The following BAZ1B variants were observed in gnomAD, a reference collection of about 807,000 sequenced individuals.
BAZ1B encodes tyrosine-protein kinase BAZ1B.
Under a neutral mutation model 153.8 loss-of-function variants are expected in BAZ1B, and 22 were observed. The ratio of observed to expected loss-of-function variants is 0.14; its 90% CI spans 0.10 to 0.20. BAZ1B has a LOEUF of 0.20. BAZ1B is among the 10% of genes least tolerant of loss of function. The pLI is 1.00. For missense variants in BAZ1B, 1,325 were observed against 1,799.3 expected (o/e 0.74, Z 4.77); for synonymous variants, 676 against 633.4 (o/e 1.07, Z -1.01).
chr7:73,511,212 G>T (rs191790268), intron 1 of BAZ1B, among the ~76,000 whole-genome samples: 2 of 152,080 alleles, frequency 1.3e-5, no homozygotes, highest in Non-Finnish European at 2.9e-5. Flanking sequence ...AGCTTGCAGT[G>T]AGCCAAGATC....
In BAZ1B at chr7:73,465,427, A is replaced by T. The variant is rs1020849181; in HGVS notation, c.3071+12T>A. 3.9e-6 allele frequency: 6 copies of T among 1,533,550 alleles called. No individual in the cohort carries two copies. The highest frequency in any genetic ancestry group is 4.4e-6 in the Non-Finnish European group (5 of 1,124,306). The allele number at this position is 1,533,550 out of a possible 1,614,324, so 95.0% of individuals were successfully genotyped here. ...GAAGTAAGATGTGAGGAGTAAGATG[A>T]AAACCTCTTACCTCTTCTCTAGTCT... On this transcript the variant is annotated intron_variant, in intron 11 of 19. Coordinates refer to ENST00000339594, the MANE Select transcript of BAZ1B (RefSeq NM_032408.4).
chr7:73,459,579 G>C lies in BAZ1B; in HGVS notation c.3389C>G (p.Thr1130Ser). The change falls in exon 13 of 20, where the codon ACT (threonine) becomes AGT (serine). Residue 1130 changes from threonine to serine, a missense_variant. Thr to Ser is a moderately conservative substitution (Grantham distance 58, BLOSUM62 1). Transcript: ENST00000339594. ...RKLQSEDSAKTEEVDEEKKMV... is the reference protein window; with the variant it reads ...RKLQSEDSAKSEEVDEEKKMV... ...TTTCTTCTCTTCATCCACTTCCTCA[G>C]TTTTTGCTGAATCTTCACTTTGGAG... 1.2e-6 allele frequency: 2 copies of C among 1,613,898 alleles called. No individual in the cohort carries two copies. The highest frequency in any genetic ancestry group is 8.5e-7 in the Non-Finnish European group (1 of 1,179,992).
intron 1 of BAZ1B, among the ~76,000 whole-genome samples, chr7:73,514,027 C>T (rs756987004): frequency 3.7e-4 from 57 of 152,130 alleles, no homozygotes; most frequent in Non-Finnish European, 7.1e-4. Flanking sequence ...TTTTGAATTT[C>T]TTTCAGATTT....
At position 73,463,049 on chromosome 7, in the gene BAZ1B, C is replaced by A; in HGVS notation, c.3122G>T (p.Gly1041Val). 2.5e-6 allele frequency: 4 copies of A among 1,614,046 alleles called. No individual in the cohort carries two copies. Among genetic ancestry groups the A allele is most frequent in the South Asian group, 1.1e-5 (1 of 91,080 alleles). The change falls in exon 12 of 20, where the codon GGT (glycine) becomes GTT (valine). Residue 1041 changes from glycine (G) to valine (V), a missense_variant. Gly to Val is a moderately radical substitution (Grantham distance 109). This residue lies in a region of BAZ1B where 431 missense variants were observed against 563.5 expected (regional missense o/e 0.76). Transcript: ENST00000339594. ...CTGGTTGCCATCACAAGATTTTAGA[C>A]CCAAATTTGGCTTCCGTGCTAGATG... ...SIHLARKPNL[G>V]LKSCDGNQEL...
chr7:73,510,662 G>A (rs1790542669), intron 2 of BAZ1B, 74 bp downstream of exon 2: 1 of 1,379,610 alleles, frequency 7.2e-7, no homozygotes, highest in Non-Finnish European at 1.0e-6. Context: ...TACACATACT[G>A]CTTTAGGGTT....
At chr7:73,514,641 C>A (rs138707044) in intron 1 of BAZ1B, among the ~76,000 whole-genome samples, 242 of 151,922 alleles carry the variant, frequency 1.6e-3, no homozygotes, top group African/African-American at 5.6e-3. Context: ...AAAACCCCAT[C>A]TCTATTAAAA....
chr7:73,520,443 C>T (rs1554580006), intron 1 of BAZ1B, among the ~76,000 whole-genome samples: 1 of 152,120 alleles, frequency 6.6e-6, no homozygotes, highest in Non-Finnish European at 1.5e-5. Flanking sequence ...GATTGACTTA[C>T]AGGGATGAGG....
At position 73,442,799 on chromosome 7, in the gene BAZ1B, C is replaced by T; in HGVS notation, c.4020G>A (p.Arg1340=). 2 of 1,614,062 alleles carry T rather than the reference C, an allele frequency of 1.2e-6. No individual in the cohort carries two copies. Among genetic ancestry groups the T allele is most frequent in the Non-Finnish European group, 1.7e-6 (2 of 1,179,944 alleles). Residue 1340 remains arginine, a synonymous_variant, in exon 18 of 20, where the codon AGG becomes AGA. Coordinates refer to ENST00000339594, the MANE Select transcript of BAZ1B (RefSeq NM_032408.4). Reference sequence around the variant, plus strand: ...CACACTTCTGCAGCTCCAGGCTTTGCCTCCGGGAGCTCCGCTTGGTCTGAA... The same window carrying T: ...CACACTTCTGCAGCTCCAGGCTTTGTCTCCGGGAGCTCCGCTTGGTCTGAA... ...LVLQTKRSSR[R]QSLELQKCEE...
At chr7:73,504,355 T>G (rs1302041910) in intron 3 of BAZ1B, among the ~76,000 whole-genome samples, 4 of 152,060 alleles carry the variant, frequency 2.6e-5, no homozygotes, top group African/African-American at 9.7e-5. Context: ...CCTGTTTCTC[T>G]ATAAAAAATA....
intron 11 of BAZ1B, 91 bp from the exon 12 acceptor site, chr7:73,463,190 A>T: frequency 7.9e-7 from 1 of 1,264,798 alleles, no homozygotes; most frequent in South Asian, 1.5e-5. Context: ...TTATTTCTAG[A>T]AAACTTACTT....
intron 17 of BAZ1B, among the ~76,000 whole-genome samples, 197 bp downstream of exon 17, chr7:73,443,787 G>A (rs528972996): frequency 2.6e-5 from 4 of 152,236 alleles, no homozygotes; most frequent in South Asian, 4.2e-4. Flanking sequence ...GGGGAATGCC[G>A]GACATAGCTG....
intron 7 of BAZ1B, 79 bp from the exon 8 acceptor site, chr7:73,470,562 A>G: frequency 6.6e-7 from 1 of 1,520,756 alleles, no homozygotes; most frequent in East Asian, 2.3e-5. Context: ...ATATGGAGTA[A>G]AAAGTGCCTA....
At chr7:73,518,490 A>G (rs1321833753) in intron 1 of BAZ1B, among the ~76,000 whole-genome samples, 2 of 152,216 alleles carry the variant, frequency 1.3e-5, no homozygotes, top group Admixed American at 1.3e-4. Flanking sequence ...CCAAATGTCC[A>G]GTAAAACTCT....
intron 3 of BAZ1B, among the ~76,000 whole-genome samples, chr7:73,505,667 C>T (rs906973530): frequency 6.6e-6 from 1 of 151,982 alleles, no homozygotes; most frequent in Non-Finnish European, 1.5e-5. Flanking sequence ...TCTCCCACTT[C>T]GGCCTCCCGA....
chr7:73,461,660 TA>T (rs1397575884), intron 12 of BAZ1B, among the ~76,000 whole-genome samples: 1 of 152,208 alleles, frequency 6.6e-6, no homozygotes, highest in Non-Finnish European at 1.5e-5. Context: ...TGTGCATATG[TA>T]AGATACACAT....
chr7:73,506,744 G>A lies in BAZ1B; in HGVS notation c.369+1583C>T, dbSNP rs567138465. 2.6e-4 allele frequency among the ~76,000 whole-genome samples: 38 copies of A among 148,250 alleles called. No homozygotes were observed. The East Asian group carries it at 6.0e-3, about 23-fold the overall frequency. On this transcript the variant is annotated intron_variant, in intron 3 of 19. Transcript: ENST00000339594. Reference sequence around the variant, plus strand: ...CAGGCGCCTGTAGTCCCAGCTACTCGGGAGGCTGAGGCAGGAGAATCACTT... The same window carrying A: ...CAGGCGCCTGTAGTCCCAGCTACTCAGGAGGCTGAGGCAGGAGAATCACTT...
At position 73,522,218 on chromosome 7, in the gene BAZ1B, C is replaced by T. The variant is rs1405577020; in HGVS notation, c.-285G>A. ...GCGGCCGGCAGTCACGACTCCTCCT[C>T]AGCAGCACCGGAGGAAATTATTGAA... On this transcript the variant is annotated 5_prime_UTR_variant, in exon 1 of 20. Transcript: ENST00000339594. 6 of 387,894 alleles carry T rather than the reference C, an allele frequency of 1.5e-5. No homozygotes were observed. The allele number at this position is 387,894 out of a possible 1,614,324, so 24.0% of individuals were successfully genotyped here.
At chr7:73,484,306 G>GATAGATAT (rs1789315237) in intron 6 of BAZ1B, among the ~76,000 whole-genome samples, 1 of 151,364 alleles carries the variant, frequency 6.6e-6, no homozygotes, top group Non-Finnish European at 1.5e-5. Context: ...TAGATAGATA[G>GATAGATAT]ATAGATAGAC....
chr7:73,473,956 C>G (rs1367047777), intron 7 of BAZ1B, among the ~76,000 whole-genome samples: 1 of 152,156 alleles, frequency 6.6e-6, no homozygotes. Context: ...CAGAATGAGA[C>G]CTTGTCTCAA....
Sources: gnomAD v4.1 joint callset for allele counts (sites outside exome capture counted in the v4.1 genomes callset) on GRCh38, gnomAD v4.1.1 for gene constraint, gnomAD v4.1.1 regional missense constraint, MANE v1.5 for transcripts, NCBI Gene and HGNC (gene_info 2026-07-23, HGNC 2026-07-21) for gene names.